The following TRAIP variants were observed in gnomAD, a reference collection of about 807,000 sequenced individuals.
TRAIP encodes E3 ubiquitin-protein ligase TRAIP.
In TRAIP, 37 loss-of-function variants were observed where a neutral mutation model predicts 65.0. The observed-to-expected ratio is 0.57, with a 90% CI of 0.44 to 0.75. TRAIP has a LOEUF of 0.75. TRAIP is among the 30% of genes least tolerant of loss of function. The probability of loss-of-function intolerance (pLI) is 0.00; values close to 1 mark genes in which losing one functional copy is unlikely to be tolerated. For synonymous variants in TRAIP, 187 were observed against 219.1 expected, an observed-to-expected ratio of 0.85 and a Z score of 1.29; for missense variants, 481 against 579.4, an observed-to-expected ratio of 0.83 and a Z score of 1.74.
intron 9 of TRAIP, 105 bp downstream of exon 9, chr3:49,840,179 C>T: frequency 9.2e-7 from 1 of 1,083,466 alleles, no homozygotes; most frequent in Admixed American, 2.0e-5. Context: ...GGGCCCAGAA[C>T]CACCACTGAC....
chr3:49,836,690 T>C (rs1203329041), intron 10 of TRAIP, among the ~76,000 whole-genome samples: 6 of 151,970 alleles, frequency 3.9e-5, no homozygotes, highest in Non-Finnish European at 8.8e-5. Context: ...GGCGTGGTGG[T>C]GCATGCCTGT....
At chr3:49,847,177 C>T (rs1021273077) in intron 3 of TRAIP, among the ~76,000 whole-genome samples, 2 of 137,062 alleles carry the variant, frequency 1.5e-5, no homozygotes, top group Non-Finnish European at 3.2e-5. Flanking sequence ...GAGACTTCAT[C>T]TCAAAATAAA....
chr3:49,830,837 C>G (rs907983380), intron 11 of TRAIP, among the ~76,000 whole-genome samples: 1 of 152,206 alleles, frequency 6.6e-6, no homozygotes, highest in Non-Finnish European at 1.5e-5. Flanking sequence ...CTGCTCCTGC[C>G]CTAACGGCCT....
intron 11 of TRAIP, among the ~76,000 whole-genome samples, chr3:49,831,180 G>A (rs1407697150): frequency 2.0e-5 from 3 of 152,208 alleles, no homozygotes; most frequent in African/African-American, 7.2e-5. Flanking sequence ...GGACAGCCCA[G>A]CTGGCTTGCC....
At chr3:49,855,710 C>A (rs188740646) in intron 1 of TRAIP, among the ~76,000 whole-genome samples, 3 of 152,296 alleles carry the variant, frequency 2.0e-5, no homozygotes, top group Admixed American at 2.0e-4. Context: ...TGATTATTAT[C>A]ACCCACCATT....
At chr3:49,846,377 T>C (rs950256229) in intron 3 of TRAIP, among the ~76,000 whole-genome samples, 3 of 152,116 alleles carry the variant, frequency 2.0e-5, no homozygotes, top group Non-Finnish European at 2.9e-5. Flanking sequence ...CCAGGCAATT[T>C]TGAGGCACAG....
intron 8 of TRAIP, 69 bp downstream of exon 8, chr3:49,840,916 A>C: frequency 6.8e-7 from 1 of 1,462,250 alleles, no homozygotes; most frequent in Non-Finnish European, 9.6e-7. Flanking sequence ...GGCCTTGCTC[A>C]GGAGACCAGA....
chr3:49,848,585 AAAGT>A (rs1467814907), intron 1 of TRAIP, among the ~76,000 whole-genome samples: 4 of 152,236 alleles, frequency 2.6e-5, no homozygotes, highest in African/African-American at 7.2e-5. Flanking sequence ...ACCAGAAATA[AAAGT>A]AAGTAAGGGT....
In TRAIP at chr3:49,830,101, T is replaced by G. The variant is rs758623113; in HGVS notation, c.1038-33A>C. On this transcript the variant is annotated intron_variant, in intron 11 of 14. Coordinates refer to ENST00000331456, the MANE Select transcript of TRAIP (RefSeq NM_005879.3). Reference sequence around the variant, plus strand: ...AATGAGAGAGAAGGCAAGGGGTAGGTAAGCAAGACATGGGGGCAGGTGAAC... The same window carrying G: ...AATGAGAGAGAAGGCAAGGGGTAGGGAAGCAAGACATGGGGGCAGGTGAAC... 5.1e-5 allele frequency: 83 copies of G among 1,612,446 alleles called. No individual in the cohort carries two copies. In the South Asian group the frequency reaches 9.1e-4, roughly 18 times the overall value.
chr3:49,848,508 G>A lies in TRAIP; in HGVS notation c.99-308C>T, dbSNP rs1320314. On this transcript the variant is annotated intron_variant, in intron 1 of 14. Coordinates refer to ENST00000331456, the MANE Select transcript of TRAIP (RefSeq NM_005879.3). Reference sequence around the variant, plus strand: ...TCGAAGCTCAGGGGCCCTCAGAGATGAGGACTCTGATAACACCCCCATTTT... The same window carrying A: ...TCGAAGCTCAGGGGCCCTCAGAGATAAGGACTCTGATAACACCCCCATTTT... Among the ~76,000 whole-genome samples, 1,485 of 152,242 alleles carry A rather than the reference G, an allele frequency of 9.8e-3. 34 individuals carry two copies. Among genetic ancestry groups the A allele is most frequent in the African/African-American group, 0.034 (1,397 of 41,534 alleles).
Position 49,841,891 on chromosome 3 carries a change from G to A in TRAIP, c.552C>T (p.Ile184=). The change falls in exon 7 of 15, where the codon ATC becomes ATT. Residue 184 remains isoleucine, a synonymous_variant. Transcript: ENST00000331456. The stretch of plus-strand genomic sequence containing the variant: ...CTGACTGTCCCACACCCATGTCTCG[G>A]ATCATCTCCTCCACCTCAGGGCGCT... The part of the protein sequence containing the change: ...QSQRPEVEEM[I]RDMGVGQSAV... The A allele has an allele frequency of 6.2e-7, 1 of 1,614,208 alleles. No homozygotes were observed. The highest frequency in any genetic ancestry group is 8.5e-7 in the Non-Finnish European group (1 of 1,180,036).
At chr3:49,841,986 G>A in intron 6 of TRAIP, 47 bp from the exon 7 acceptor site, 1 of 1,476,934 alleles carries the variant, frequency 6.8e-7, no homozygotes, top group Non-Finnish European at 9.5e-7. Context: ...GGAGGCTGAT[G>A]GGTAGGTACC....
chr3:49,829,299 C>T, intron 14 of TRAIP, 74 bp from the exon 15 acceptor site: 1 of 1,613,084 alleles, frequency 6.2e-7, no homozygotes, highest in Non-Finnish European at 8.5e-7. Flanking sequence ...CAATGCAGGG[C>T]AAGAAAGGCT....
intron 11 of TRAIP, among the ~76,000 whole-genome samples, chr3:49,831,019 A>G (rs2081727504): frequency 6.6e-6 from 1 of 152,216 alleles, no homozygotes; most frequent in South Asian, 2.1e-4. Context: ...TTACAGCGGA[A>G]GAAGGGCAAT....
intron 10 of TRAIP, among the ~76,000 whole-genome samples, chr3:49,837,745 C>T (rs2081801423): frequency 6.6e-6 from 1 of 151,948 alleles, no homozygotes; most frequent in Non-Finnish European, 1.5e-5. Context: ...CCACACCCAG[C>T]TAATTTTTCT....
intron 5 of TRAIP, 72 bp from the exon 6 acceptor site, chr3:49,842,619 C>T (rs932800943): frequency 4.9e-6 from 7 of 1,415,472 alleles, no homozygotes; most frequent in Admixed American, 1.7e-5. Flanking sequence ...ACTAGGAAAA[C>T]TCTGCTCCAG....
At chr3:49,839,221 G>A (rs1340345349) in intron 10 of TRAIP, among the ~76,000 whole-genome samples, 1 of 151,916 alleles carries the variant, frequency 6.6e-6, no homozygotes, top group Non-Finnish European at 1.5e-5. Flanking sequence ...AAAAGACTGG[G>A]GCCACTGACA....
rs776026967 is a variant in TRAIP at position 49,839,811 on chromosome 3, G to A, written c.845C>T (p.Pro282Leu). Reference protein sequence around the residue: ...TMLQETLNLPPVASETVDRLV... With the variant: ...TMLQETLNLPLVASETVDRLV... ...GCGGTCGACAGTCTCACTGGCCACT[G>A]GTGGCAGGTTCAAGGTTTCCTGCAG... is the stretch of plus-strand genomic sequence containing the variant. The change falls in exon 10 of 15, where the codon CCA (proline) becomes CTA (leucine). Residue 282 changes from proline to leucine, a missense_variant. Pro to Leu is a moderately conservative substitution (Grantham distance 98). Coordinates refer to ENST00000331456, the MANE Select transcript of TRAIP (RefSeq NM_005879.3). 3.7e-6 allele frequency: 6 copies of A among 1,614,130 alleles called. No individual in the cohort carries two copies. The highest frequency in any genetic ancestry group is 1.3e-5 in the African/African-American group (1 of 74,944).
rs115432383 is a variant in TRAIP at position 49,856,139 on chromosome 3, T to C, written c.98+217A>G. 1.7e-3 allele frequency among the ~76,000 whole-genome samples: 253 copies of C among 152,360 alleles called. 1 individual carries two copies. The highest frequency in any genetic ancestry group is 5.8e-3 in the African/African-American group (241 of 41,580). On this transcript the variant is annotated intron_variant, in intron 1 of 14. Coordinates refer to ENST00000331456, the MANE Select transcript of TRAIP (RefSeq NM_005879.3). ...AGCATCTATCTTCACTGAGCCATCTTAGTCCCCCTCAGGCTTAGCTCAGCT... is the reference window on the plus strand; with the variant it reads ...AGCATCTATCTTCACTGAGCCATCTCAGTCCCCCTCAGGCTTAGCTCAGCT...
Sources: gnomAD v4.1 joint callset for allele counts (sites outside exome capture counted in the v4.1 genomes callset) on GRCh38, gnomAD v4.1.1 for gene constraint, MANE v1.5 for transcripts, NCBI Gene and HGNC (gene_info 2026-07-23, HGNC 2026-07-21) for gene names.